The following ATP10A variants were observed in gnomAD, a reference collection of about 807,000 sequenced individuals.
ATP10A encodes the protein ATPase phospholipid transporting 10A (putative), also known as phospholipid-transporting ATPase VA.
Under a neutral mutation model 147.8 loss-of-function variants are expected in ATP10A, and 111 were observed. The ratio of observed to expected loss-of-function variants is 0.75; its 90% CI spans 0.64 to 0.88. ATP10A has a LOEUF of 0.88. Ranked by LOEUF, ATP10A falls within the 40% of genes least tolerant of loss-of-function variation. The pLI, the probability that ATP10A is intolerant of heterozygous loss-of-function variation, is 0.00. For missense variants in ATP10A, 1,927 were observed against 1,959.0 expected, an observed-to-expected ratio of 0.98 and a Z score of 0.31; for synonymous variants, 875 against 841.6, an observed-to-expected ratio of 1.04 and a Z score of -0.69.
At chr15:25,821,335 G>C (rs1434752566) in intron 1 of ATP10A, among the ~76,000 whole-genome samples, 1 of 151,890 alleles carries the variant, frequency 6.6e-6, no homozygotes, top group Admixed American at 6.6e-5. Flanking sequence ...GCTGCAATGA[G>C]AGCTGTGTTC....
At position 25,730,469 on chromosome 15, in the gene ATP10A, C is replaced by T. The variant is rs1040038189; in HGVS notation, c.741-3203G>A. 2.0e-5 allele frequency among the ~76,000 whole-genome samples: 3 copies of T among 152,158 alleles called. No homozygotes were observed. The East Asian group carries it at 5.8e-4, about 29-fold the overall frequency. On this transcript the variant is annotated intron_variant, in intron 3 of 20. Transcript: ENST00000555815. ...GGCATCTCCCTGGTCATGAGTCCCCCAGGGCCACTCTTCCCCATGGGGCCT... is the reference window on the plus strand; with the variant it reads ...GGCATCTCCCTGGTCATGAGTCCCCTAGGGCCACTCTTCCCCATGGGGCCT...
At chr15:25,838,421 C>T (rs1327745089) in intron 1 of ATP10A, among the ~76,000 whole-genome samples, 1 of 152,090 alleles carries the variant, frequency 6.6e-6, no homozygotes, top group Non-Finnish European at 1.5e-5. Context: ...CTATGCCCAG[C>T]AAGGTGACAG....
At chr15:25,724,155 T>C in intron 5 of ATP10A, 134 bp from the exon 6 acceptor site, 1 of 1,000,636 alleles carries the variant, frequency 1.0e-6, no homozygotes, top group African/African-American at 1.7e-5. Context: ...AGCTTTGCCA[T>C]GTCAGAAAGC....
intron 1 of ATP10A, among the ~76,000 whole-genome samples, chr15:25,846,782 C>A (rs574695118): frequency 6.6e-6 from 1 of 152,340 alleles, no homozygotes; most frequent in African/African-American, 2.4e-5. Flanking sequence ...AAAACATACA[C>A]CATCACAGGA....
chr15:25,822,032 G>A (rs1891913668), intron 1 of ATP10A, among the ~76,000 whole-genome samples: 1 of 152,148 alleles, frequency 6.6e-6, no homozygotes, highest in South Asian at 2.1e-4. Flanking sequence ...ATGGCATAGT[G>A]TTTGCATATA....
chr15:25,828,989 C>T (rs1892234488), intron 1 of ATP10A, among the ~76,000 whole-genome samples: 1 of 152,104 alleles, frequency 6.6e-6, no homozygotes, highest in Admixed American at 6.5e-5. Context: ...AGCTTTGCTC[C>T]ACATCATGCA....
At chr15:25,749,676 C>G (rs1888044653) in intron 2 of ATP10A, among the ~76,000 whole-genome samples, 1 of 152,126 alleles carries the variant, frequency 6.6e-6, no homozygotes, top group South Asian at 2.1e-4. Flanking sequence ...TCAGCTTAAT[C>G]TAACATAGAA....
chr15:25,805,282 G>C (rs565282168), intron 1 of ATP10A, among the ~76,000 whole-genome samples: 1 of 152,344 alleles, frequency 6.6e-6, no homozygotes, highest in East Asian at 1.9e-4. Flanking sequence ...CAAGGGACTG[G>C]AGCCACGCCA....
chr15:25,721,564 G>C, intron 7 of ATP10A, 93 bp downstream of exon 7: 2 of 1,201,612 alleles, frequency 1.7e-6, no homozygotes, highest in South Asian at 1.4e-5. Context: ...GTGTGTGTGT[G>C]TGTGTGTGTG....
chr15:25,693,840 A>C (rs1360130325), intron 14 of ATP10A, among the ~76,000 whole-genome samples: 1 of 152,200 alleles, frequency 6.6e-6, no homozygotes, highest in East Asian at 1.9e-4. Context: ...CAGGCTCAAC[A>C]GCGGTCTCCT....
At chr15:25,706,910 G>A (rs777462043) in intron 12 of ATP10A, among the ~76,000 whole-genome samples, 2 of 152,186 alleles carry the variant, frequency 1.3e-5, no homozygotes, top group East Asian at 1.9e-4. Flanking sequence ...GTCTTCCGGG[G>A]AAGCCCAATC....
intron 1 of ATP10A, among the ~76,000 whole-genome samples, chr15:25,793,792 C>T (rs1163829374): frequency 6.6e-6 from 1 of 152,220 alleles, no homozygotes; most frequent in African/African-American, 2.4e-5. Context: ...GGAACCAGGG[C>T]ATCCAGTCGC....
rs1377621926 is a variant in ATP10A at position 25,679,522 on chromosome 15, C to T, written c.4319G>A (p.Trp1440Ter). The change falls in exon 21 of 21, where the codon TGG becomes TAG. Residue 1440 changes from tryptophan (W) to a stop codon, truncating the protein, a stop_gained. Coordinates refer to ENST00000555815, the MANE Select transcript of ATP10A (RefSeq NM_024490.4). LOFTEE classifies it high-confidence loss of function. ...GCTGACCAGCGACCAGGAGGAAATCCAGTTGAGTAAGCTGAAGGTAGGCAG... is the reference window on the plus strand; with the variant it reads ...GCTGACCAGCGACCAGGAGGAAATCTAGTTGAGTAAGCTGAAGGTAGGCAG... ...FSLPTFSLLN[W>*]ISSWSLVSRL... 3 of 1,613,428 alleles carry T rather than the reference C, an allele frequency of 1.9e-6. No individual in the cohort carries two copies. Among genetic ancestry groups the T allele is most frequent in the Admixed American group, 3.3e-5 (2 of 59,994 alleles).
At chr15:25,836,885 G>A (rs1332196553) in intron 1 of ATP10A, among the ~76,000 whole-genome samples, 5 of 152,144 alleles carry the variant, frequency 3.3e-5, no homozygotes, top group African/African-American at 1.2e-4. Context: ...CAAGTCTCTC[G>A]AAGGCAAGAC....
rs1455173084 is a variant in ATP10A, at chr15:25,727,078, A to G, written c.847+82T>C. On this transcript the variant is annotated intron_variant, in intron 4 of 20. Coordinates refer to ENST00000555815, the MANE Select transcript of ATP10A (RefSeq NM_024490.4). ...CTCAAAAAAAAAAAATGAAAAAGAA[A>G]AAAGAAAAGAAAACAGTGAGGGGAA... 9 of 1,151,216 alleles carry G rather than the reference A, an allele frequency of 7.8e-6. No individual in the cohort carries two copies. The East Asian group carries it at 2.1e-4, about 27-fold the overall frequency. 71.3% of individuals were successfully genotyped at this position (1,151,216 alleles called of 1,614,324 possible).
rs1272501745 is a variant in ATP10A at position 25,862,930 on chromosome 15, G to A, written c.167C>T (p.Ala56Val). ...GAGCCGGTTGTCGGCCAGGTGCTGG[G>A]CACACCCGCGCCGCCGTCGCCGCTC... The part of the protein sequence containing the change: ...KGERRRRRGC[A>V]QHLADNRLKT... Residue 56 changes from alanine (A) to valine (V), a missense_variant, in exon 1 of 21, where the codon GCC becomes GTC. Coordinates refer to ENST00000555815, the MANE Select transcript of ATP10A (RefSeq NM_024490.4). 9 of 1,587,374 alleles carry A rather than the reference G, an allele frequency of 5.7e-6. No individual in the cohort carries two copies. The highest frequency in any genetic ancestry group is 6.8e-6 in the Non-Finnish European group (8 of 1,170,200).
intron 8 of ATP10A, 141 bp downstream of exon 8, chr15:25,718,041 A>G: frequency 1.2e-6 from 1 of 855,366 alleles, no homozygotes; most frequent in Non-Finnish European, 1.8e-6. Flanking sequence ...TGTTGGCCAG[A>G]AAAGCTTCTG....
At chr15:25,677,715 A>C (rs1045021155), downstream of ATP10A, 2 of 152,240 alleles carry the variant, frequency 1.3e-5, no homozygotes, top group African/African-American at 4.8e-5. Context: ...TGAAGCCCCC[A>C]CCACCCCTTT....
chr15:25,861,180 T>C (rs78793214), intron 1 of ATP10A, among the ~76,000 whole-genome samples: 1 of 152,302 alleles, frequency 6.6e-6, no homozygotes, highest in African/African-American at 2.4e-5. Flanking sequence ...TGGGCCATCA[T>C]ATAAGAGTTA....
Sources: allele counts gnomAD v4.1 joint callset (sites outside exome capture counted in the v4.1 genomes callset), GRCh38; gene constraint gnomAD v4.1.1; transcripts MANE v1.5; gene names NCBI Gene and HGNC (gene_info 2026-07-23, HGNC 2026-07-21).